The following FOXP2 variants were observed in gnomAD, a reference collection of about 807,000 sequenced individuals.
The protein encoded by FOXP2 is forkhead box P2, also known as forkhead box protein P2.
FOXP2 carries 12 observed loss-of-function variants against 115.8 expected under a neutral mutation model. That is an observed-to-expected ratio of 0.10 (90% CI 0.07 to 0.17). The LOEUF is 0.17. Among genes scored for constraint, FOXP2 ranks in the 10% least tolerant of loss-of-function variants. The pLI is 1.00. For synonymous variants in FOXP2, 328 were observed against 297.7 expected (o/e 1.10, Z -1.05); for missense variants, 629 against 843.5 (o/e 0.75, Z 3.15).
intron 2 of FOXP2, among the ~76,000 whole-genome samples, chr7:114,291,835 T>C (rs1292375973): frequency 1.4e-5 from 2 of 143,346 alleles, no homozygotes; most frequent in East Asian, 3.9e-4. Context: ...ACATATATAA[T>C]GTTTTATATA....
intron 2 of FOXP2, among the ~76,000 whole-genome samples, chr7:114,373,311 C>T (rs1172904114): frequency 2.0e-5 from 3 of 152,090 alleles, no homozygotes; most frequent in East Asian, 3.9e-4. Context: ...TGAGCAGTCG[C>T]GCCCAGCCGA....
chr7:114,625,622 A>G (rs911811946), intron 3 of FOXP2, among the ~76,000 whole-genome samples: 1 of 151,842 alleles, frequency 6.6e-6, no homozygotes, highest in Non-Finnish European at 1.5e-5. Flanking sequence ...TGGGACAGTA[A>G]CAAGAAACGA....
In FOXP2 at chr7:114,658,175, A is replaced by G; in HGVS notation, c.1376A>G (p.Gln459Arg). Residue 459 changes from glutamine (Q) to arginine (R), a missense_variant, in exon 11 of 17, where the codon CAG (glutamine) becomes CGG (arginine). Gln to Arg is a conservative substitution (Grantham distance 43, BLOSUM62 1). Coordinates refer to ENST00000350908, the MANE Select transcript of FOXP2 (RefSeq NM_014491.4). ...ACGGCCCCAGTCACCCCGATTACCC[A>G]GGGACCCTCAGTAATCACCCCAGCC... ...TPTAPVTPIT[Q>R]GPSVITPASV... 6.2e-7 allele frequency: 1 copy of G among 1,613,826 alleles called. No homozygotes were observed. Among genetic ancestry groups the G allele is most frequent in the Non-Finnish European group, 8.5e-7 (1 of 1,179,868 alleles).
chr7:114,519,886 TTTTATAAGC>T (rs1341112969), intron 2 of FOXP2, among the ~76,000 whole-genome samples: 1 of 152,174 alleles, frequency 6.6e-6, no homozygotes, highest in Non-Finnish European at 1.5e-5. Flanking sequence ...TTATCCGTCT[TTTTATAAGC>T]ATTCTTTCAC....
At chr7:114,167,953 AAC>A (rs1491081708) in intron 1 of FOXP2, among the ~76,000 whole-genome samples, 5 of 151,568 alleles carry the variant, frequency 3.3e-5, no homozygotes, top group African/African-American at 9.7e-5. Context: ...AAAAAAAAAA[AAC>A]ACGAGAGTTT....
chr7:114,458,333 A>C (rs1392380627), intron 2 of FOXP2, among the ~76,000 whole-genome samples: 3 of 152,024 alleles, frequency 2.0e-5, no homozygotes, highest in African/African-American at 4.8e-5. Context: ...AATTTGCATA[A>C]TCTTGTGTAT....
At chr7:114,531,016 G>A (rs181479110) in intron 2 of FOXP2, among the ~76,000 whole-genome samples, 43 of 150,736 alleles carry the variant, frequency 2.9e-4, no homozygotes, top group Admixed American at 2.5e-3. Flanking sequence ...TTTTCTTTAG[G>A]TTTCCTAAAA....
intron 2 of FOXP2, among the ~76,000 whole-genome samples, chr7:114,457,086 G>A (rs796624503): frequency 6.6e-6 from 1 of 152,082 alleles, no homozygotes; most frequent in Non-Finnish European, 1.5e-5. Flanking sequence ...GGAGATCTAA[G>A]ATACAATATG....
At chr7:114,195,156 A>G (rs916438283) in intron 1 of FOXP2, among the ~76,000 whole-genome samples, 2 of 152,070 alleles carry the variant, frequency 1.3e-5, no homozygotes, top group African/African-American at 4.8e-5. Context: ...AGAGGAGCCG[A>G]TGAATATTAT....
chr7:114,276,120 G>A (rs1334007839), intron 1 of FOXP2, among the ~76,000 whole-genome samples: 1 of 152,110 alleles, frequency 6.6e-6, no homozygotes, highest in South Asian at 2.1e-4. Flanking sequence ...ATCAAGGCTT[G>A]TTGAGAAGAA....
chr7:114,168,058 C>T (rs929864361), intron 1 of FOXP2, among the ~76,000 whole-genome samples: 10 of 152,106 alleles, frequency 6.6e-5, no homozygotes, highest in African/African-American at 2.4e-4. Context: ...GCCTCCCCAG[C>T]CATGTGGAAC....
chr7:114,117,921 C>T (rs372180060), intron 1 of FOXP2, among the ~76,000 whole-genome samples: 30 of 152,208 alleles, frequency 2.0e-4, no homozygotes, highest in African/African-American at 6.7e-4. Flanking sequence ...AGCAAGCTCT[C>T]TTGTGACTCT....
intron 1 of FOXP2, among the ~76,000 whole-genome samples, chr7:114,194,829 G>T (rs1030550094): frequency 6.6e-6 from 1 of 151,852 alleles, no homozygotes; most frequent in African/African-American, 2.4e-5. Flanking sequence ...TAAATCTTTA[G>T]GATTAGCTGG....
intron 3 of FOXP2, among the ~76,000 whole-genome samples, chr7:114,571,317 C>T (rs1003449201): frequency 6.6e-6 from 1 of 151,794 alleles, no homozygotes; most frequent in Non-Finnish European, 1.5e-5. Context: ...CATTCTGCCA[C>T]TAGAGTGTAA....
At chr7:114,458,203 A>C (rs1323955975) in intron 2 of FOXP2, among the ~76,000 whole-genome samples, 1 of 152,158 alleles carries the variant, frequency 6.6e-6, no homozygotes, top group Non-Finnish European at 1.5e-5. Context: ...TGATACTAAG[A>C]AAGGGAATGT....
At chr7:114,132,229 T>G (rs1428347071) in intron 1 of FOXP2, among the ~76,000 whole-genome samples, 1 of 152,174 alleles carries the variant, frequency 6.6e-6, no homozygotes, top group Non-Finnish European at 1.5e-5. Flanking sequence ...ATTCTGATTT[T>G]TAAACAACAT....
intron 1 of FOXP2, among the ~76,000 whole-genome samples, chr7:114,236,494 C>G (rs560294222): frequency 4.8e-4 from 73 of 152,250 alleles, no homozygotes; most frequent in African/African-American, 1.7e-3. Flanking sequence ...TCTTCTACTT[C>G]GAATTGTAAA....
At chr7:114,233,361 A>G (rs1000392101) in intron 1 of FOXP2, among the ~76,000 whole-genome samples, 1 of 152,222 alleles carries the variant, frequency 6.6e-6, no homozygotes, top group Non-Finnish European at 1.5e-5. Flanking sequence ...CAGAGTATAT[A>G]AAATATTTAA....
At chr7:114,685,929 C>A (rs566466441) in intron 16 of FOXP2, among the ~76,000 whole-genome samples, 11 of 150,506 alleles carry the variant, frequency 7.3e-5, no homozygotes, top group African/African-American at 2.7e-4. Context: ...GAACTATGAA[C>A]TTAATAAGGA....
Sources: gnomAD v4.1 joint callset for allele counts (sites outside exome capture counted in the v4.1 genomes callset) on GRCh38, gnomAD v4.1.1 for gene constraint, MANE v1.5 for transcripts, NCBI Gene and HGNC (gene_info 2026-07-23, HGNC 2026-07-21) for gene names.